The following TTBK2 variants were observed in gnomAD, a reference collection of about 807,000 sequenced individuals.
TTBK2 encodes the protein tau-tubulin kinase 2.
In TTBK2, 28 loss-of-function variants were observed where a neutral mutation model predicts 110.8. The observed-to-expected ratio is 0.25, with a 90% CI of 0.19 to 0.35. The LOEUF is 0.35. Among genes scored for constraint, TTBK2 ranks in the 10% least tolerant of loss-of-function variants. TTBK2 has a pLI of 1.00. For synonymous variants in TTBK2, 532 were observed against 527.3 expected, an observed-to-expected ratio of 1.01 and a Z score of -0.12; for missense variants, 1,369 against 1,500.3, an observed-to-expected ratio of 0.91 and a Z score of 1.45.
chr15:42,917,826 A>G (rs1298551103), intron 1 of TTBK2, among the ~76,000 whole-genome samples: 4 of 152,188 alleles, frequency 2.6e-5, no homozygotes, highest in Admixed American at 2.6e-4. Context: ...AAAAACCTCA[A>G]TAAGAACAAA....
At chr15:42,783,119 G>C (rs575302708) in intron 11 of TTBK2, among the ~76,000 whole-genome samples, 5 of 152,166 alleles carry the variant, frequency 3.3e-5, no homozygotes, top group Non-Finnish European at 5.9e-5. Flanking sequence ...TAGTCTGAAT[G>C]TTTGTGTCCC....
In TTBK2 at chr15:42,794,754, A is replaced by T; in HGVS notation, c.870T>A (p.Ile290=). ...FDNSIKTFGV[I]ESDPFDWEKT... ...TCTCCCAGTCAAAAGGGTCACTCTC[A>T]ATTACTCCAAAAGTCTTGATGCTAT... is the stretch of plus-strand genomic sequence containing the variant. Residue 290 remains isoleucine, a synonymous_variant, in exon 10 of 15, where the codon ATT becomes ATA. Transcript: ENST00000267890. 6.2e-7 allele frequency: 1 copy of T among 1,614,164 alleles called. No homozygotes were observed. The highest frequency in any genetic ancestry group is 1.6e-4 in the Middle Eastern group (1 of 6,062).
intron 1 of TTBK2, among the ~76,000 whole-genome samples, chr15:42,904,028 A>C (rs2030225767): frequency 6.6e-6 from 1 of 152,174 alleles, no homozygotes; most frequent in African/African-American, 2.4e-5. Flanking sequence ...CAGGAATTGA[A>C]TCCTGCCAAC....
chr15:42,881,372 T>C (rs1221089162), intron 1 of TTBK2, among the ~76,000 whole-genome samples: 1 of 147,824 alleles, frequency 6.8e-6, no homozygotes, highest in Non-Finnish European at 1.5e-5. Context: ...CCTTTTAATG[T>C]TGAGCATACA....
At chr15:42,765,194 CA>C (rs1248516814) in intron 13 of TTBK2, among the ~76,000 whole-genome samples, 1 of 152,136 alleles carries the variant, frequency 6.6e-6, no homozygotes, top group African/African-American at 2.4e-5. Context: ...TTCTAAAAAC[CA>C]GAGCACCTCT....
At chr15:42,840,563 A>T (rs770692216) in intron 3 of TTBK2, 130 bp from the exon 4 acceptor site, 1 of 875,722 alleles carries the variant, frequency 1.1e-6, no homozygotes, top group South Asian at 1.4e-5. Context: ...AGGATAGAAA[A>T]CTTATATTAT....
chr15:42,912,479 T>A (rs999728039), intron 1 of TTBK2, among the ~76,000 whole-genome samples: 1 of 151,168 alleles, frequency 6.6e-6, no homozygotes, highest in Non-Finnish European at 1.5e-5. Flanking sequence ...GGCCCCAAGG[T>A]GGGTGGATCA....
At chr15:42,851,180 G>A (rs1279303189) in intron 3 of TTBK2, among the ~76,000 whole-genome samples, 9 of 151,482 alleles carry the variant, frequency 5.9e-5, no homozygotes, top group Non-Finnish European at 8.8e-5. Context: ...CCCGGGAGGC[G>A]GAGCTTGCAG....
At chr15:42,757,902 G>T (rs1398706111) in intron 13 of TTBK2, among the ~76,000 whole-genome samples, 1 of 151,988 alleles carries the variant, frequency 6.6e-6, no homozygotes, top group Non-Finnish European at 1.5e-5. Context: ...TAGTTTCTTA[G>T]TTCTATTAGT....
intron 1 of TTBK2, among the ~76,000 whole-genome samples, chr15:42,885,502 C>T (rs527757428): frequency 3.3e-5 from 5 of 152,348 alleles, no homozygotes; most frequent in South Asian, 2.1e-4. Context: ...GCACCAGTCA[C>T]GGACTCAGGA....
intron 9 of TTBK2, among the ~76,000 whole-genome samples, chr15:42,807,648 G>A (rs1450619285): frequency 6.6e-6 from 1 of 151,912 alleles, no homozygotes; most frequent in East Asian, 1.9e-4. Context: ...TGTTGCCCAG[G>A]CTGGTCTCAA....
chr15:42,872,326 T>C (rs994715821), intron 3 of TTBK2, among the ~76,000 whole-genome samples: 3 of 152,212 alleles, frequency 2.0e-5, no homozygotes, highest in African/African-American at 7.2e-5. Flanking sequence ...AGCAGACTTA[T>C]GACAATACTT....
At position 42,878,677 on chromosome 15, in the gene TTBK2, C is replaced by T. The variant is rs1894921172; in HGVS notation, c.-60G>A. ...GCATCCAGTTCCCAAGGGTGGTTTC[C>T]ATTTAACCTAAAACAACAACAACAA... is the stretch of plus-strand genomic sequence containing the variant. On this transcript the variant is annotated 5_prime_UTR_variant, in exon 2 of 15. The change abolishes an upstream ATG in the 5' untranslated region. Coordinates refer to ENST00000267890, the MANE Select transcript of TTBK2 (RefSeq NM_173500.4). The T allele has an allele frequency of 6.2e-7, 1 of 1,612,738 alleles. No homozygotes were observed. The highest frequency in any genetic ancestry group is 2.2e-5 in the East Asian group (1 of 44,784).
chr15:42,740,023 G>A lies in TTBK2; in HGVS notation c.*5772C>T, dbSNP rs2061740830. The A allele has an allele frequency of 6.6e-6, 1 of 152,106 alleles. No homozygotes were observed. Among genetic ancestry groups the A allele is most frequent in the South Asian group, 2.1e-4 (1 of 4,826 alleles). 9.4% of individuals were successfully genotyped at this position (152,106 alleles called of 1,614,324 possible). A position where few individuals can be genotyped will look rare whatever the true frequency, so the allele number is the denominator to read the frequency against. On this transcript the variant is annotated 3_prime_UTR_variant, in exon 15 of 15. Coordinates refer to ENST00000267890, the MANE Select transcript of TTBK2 (RefSeq NM_173500.4). ...TTAAATAATATTAAACTAATAAAAA[G>A]AGAGGTAAAATTCCTATCCATTGTT...
intron 6 of TTBK2, among the ~76,000 whole-genome samples, chr15:42,822,561 G>A (rs568859515): frequency 5.9e-5 from 9 of 151,888 alleles, no homozygotes; most frequent in Non-Finnish European, 1.3e-4. Context: ...TGGTGTTAGA[G>A]AAACAAATCT....
chr15:42,821,475 T>G (rs957954376), intron 6 of TTBK2, among the ~76,000 whole-genome samples: 2 of 152,214 alleles, frequency 1.3e-5, no homozygotes, highest in African/African-American at 4.8e-5. Flanking sequence ...TTGACTGACA[T>G]AAAGTCATAT....
intron 6 of TTBK2, among the ~76,000 whole-genome samples, chr15:42,826,155 A>G (rs1892528470): frequency 6.6e-6 from 1 of 152,212 alleles, no homozygotes; most frequent in South Asian, 2.1e-4. Flanking sequence ...TATGAAACAA[A>G]TCTACAATGG....
At chr15:42,784,334 G>T (rs750659161) in intron 10 of TTBK2, among the ~76,000 whole-genome samples, 15 of 152,040 alleles carry the variant, frequency 9.9e-5, no homozygotes, top group Admixed American at 2.0e-4. Context: ...CTGGAGTGCA[G>T]TGACGCGATC....
chr15:42,815,947 TTTAAA>T (rs1323928834), intron 7 of TTBK2, among the ~76,000 whole-genome samples: 5 of 37,450 alleles, frequency 1.3e-4, no homozygotes, highest in African/African-American at 5.4e-4. Flanking sequence ...TATATATATA[TTTAAA>T]AAAAAAATAT....
Sources: allele counts gnomAD v4.1 joint callset (sites outside exome capture counted in the v4.1 genomes callset), GRCh38; gene constraint gnomAD v4.1.1; transcripts MANE v1.5; gene names NCBI Gene and HGNC (gene_info 2026-07-23, HGNC 2026-07-21).